The following SLC1A3 variants were observed in gnomAD, a reference collection of about 807,000 sequenced individuals.
The protein encoded by SLC1A3 is excitatory amino acid transporter 1.
Under a neutral mutation model 48.1 loss-of-function variants are expected in SLC1A3, and 21 were observed. The observed-to-expected ratio is 0.44, with a 90% CI of 0.31 to 0.63. SLC1A3 has a LOEUF of 0.63. Ranked by LOEUF, SLC1A3 falls within the 20% of genes least tolerant of loss-of-function variation. The pLI, the probability that SLC1A3 is intolerant of heterozygous loss-of-function variation, is 0.08. For synonymous variants in SLC1A3, 239 were observed against 251.4 expected, an observed-to-expected ratio of 0.95 and a Z score of 0.47; for missense variants, 546 against 689.0, an observed-to-expected ratio of 0.79 and a Z score of 2.32.
intron 3 of SLC1A3, among the ~76,000 whole-genome samples, chr5:36,647,315 C>T (rs1740877595): frequency 6.6e-6 from 1 of 152,112 alleles, no homozygotes; most frequent in Non-Finnish European, 1.5e-5. Context: ...CATAATGAAA[C>T]CTACTTAGAG....
intron 2 of SLC1A3, among the ~76,000 whole-genome samples, chr5:36,622,745 C>T (rs916897803): frequency 2.8e-4 from 42 of 152,106 alleles, no homozygotes; most frequent in Admixed American, 2.7e-3. Context: ...GGCGCATTGG[C>T]TCACGCCTGT....
At chr5:36,636,487 CTTTCTTTCTTTCTTTCTT>C (rs1223330754) in intron 3 of SLC1A3, 38 of 144,564 alleles carry the variant, frequency 2.6e-4, no homozygotes, top group African/African-American at 2.9e-4. Flanking sequence ...TTCTTTCTTT[CTTTCTTTCTTTCTTTCTT>C]TTTCTTTCTT....
At chr5:36,612,377 C>T (rs1048327049) in intron 2 of SLC1A3, among the ~76,000 whole-genome samples, 1 of 152,078 alleles carries the variant, frequency 6.6e-6, no homozygotes. Context: ...GCCAGGAGTT[C>T]AAGATCAATC....
In SLC1A3 at chr5:36,629,505, G is replaced by T; in HGVS notation, c.237G>T (p.Lys79Asn). The T allele has an allele frequency of 1.2e-6, 2 of 1,610,344 alleles. No individual in the cohort carries two copies. The highest frequency in any genetic ancestry group is 1.7e-6 in the Non-Finnish European group (2 of 1,178,846). The part of the protein sequence containing the change: ...RPYRMSYREV[K>N]YFSFPGELLM... The stretch of plus-strand genomic sequence containing the variant: ...ACAGAATGAGCTACCGGGAAGTCAA[G>T]TACTTCTCCTTTCCTGGGGAACTTC... The change falls in exon 3 of 10, where the codon AAG becomes AAT. Residue 79 changes from lysine (K) to asparagine (N), a missense_variant. Coordinates refer to ENST00000265113, the MANE Select transcript of SLC1A3 (RefSeq NM_004172.5).
intron 5 of SLC1A3, among the ~76,000 whole-genome samples, chr5:36,676,447 A>G (rs1018206583): frequency 2.6e-5 from 4 of 152,210 alleles, no homozygotes. Context: ...CAGGTGATTT[A>G]TCTATTATAC....
At chr5:36,628,911 G>A (rs1157381247) in intron 2 of SLC1A3, among the ~76,000 whole-genome samples, 1 of 152,146 alleles carries the variant, frequency 6.6e-6, no homozygotes, top group Non-Finnish European at 1.5e-5. Flanking sequence ...TGTAGACAGA[G>A]GGAGAAAATG....
chr5:36,684,496 G>A (rs3776587), intron 9 of SLC1A3, among the ~76,000 whole-genome samples: 18,408 of 152,170 alleles, frequency 0.12, 1,137 homozygotes, highest in Middle Eastern at 0.19. Flanking sequence ...ATTGAGTTTC[G>A]GATCTAGGGA....
intron 2 of SLC1A3, among the ~76,000 whole-genome samples, chr5:36,625,807 A>T (rs1003535087): frequency 6.6e-6 from 1 of 152,182 alleles, no homozygotes; most frequent in African/African-American, 2.4e-5. Context: ...ACGTCCTCCT[A>T]CTATAGAGAA....
intron 3 of SLC1A3, among the ~76,000 whole-genome samples, chr5:36,665,733 G>T (rs1741714465): frequency 6.6e-6 from 1 of 152,162 alleles, no homozygotes; most frequent in African/African-American, 2.4e-5. Context: ...GAGGCTTGGA[G>T]AAGCCACATG....
chr5:36,680,660 G>A (rs1269583512), intron 8 of SLC1A3, 71 bp downstream of exon 8: 3 of 1,329,140 alleles, frequency 2.3e-6, no homozygotes, highest in Non-Finnish European at 3.2e-6. Flanking sequence ...GCTCACGCCT[G>A]TAATCCTAAC....
upstream of SLC1A3, among the ~76,000 whole-genome samples, chr5:36,604,906 T>TGGG (rs59950179): frequency 1.3e-4 from 15 of 112,118 alleles, no homozygotes; most frequent in South Asian, 2.7e-4. Flanking sequence ...AAAAAAGCGG[T>TGGG]GGGGGGGGGG....
chr5:36,623,637 C>T (rs550958025), intron 2 of SLC1A3, among the ~76,000 whole-genome samples: 6 of 149,638 alleles, frequency 4.0e-5, no homozygotes, highest in African/African-American at 1.5e-4. Flanking sequence ...GGGTGGATCA[C>T]AAGGTCAGAA....
intron 6 of SLC1A3, 113 bp downstream of exon 6, chr5:36,677,297 A>C: frequency 2.4e-5 from 21 of 869,150 alleles, no homozygotes; most frequent in Non-Finnish European, 3.9e-5. Context: ...CAGTTATCTC[A>C]CTCTGGTAAG....
At chr5:36,648,337 A>T (rs1293121944) in intron 3 of SLC1A3, among the ~76,000 whole-genome samples, 1 of 152,174 alleles carries the variant, frequency 6.6e-6, no homozygotes, top group Non-Finnish European at 1.5e-5. Flanking sequence ...GTGTCAAGAA[A>T]CCTTTTTATT....
At chr5:36,680,999 G>C (rs1742423104) in intron 8 of SLC1A3, among the ~76,000 whole-genome samples, 1 of 152,110 alleles carries the variant, frequency 6.6e-6, no homozygotes, top group Non-Finnish European at 1.5e-5. Context: ...AAGAGGTGGG[G>C]ATTTGGGGTA....
chr5:36,664,257 C>T (rs1209061109), intron 3 of SLC1A3, among the ~76,000 whole-genome samples: 1 of 152,198 alleles, frequency 6.6e-6, no homozygotes, highest in Non-Finnish European at 1.5e-5. Flanking sequence ...CCTCAGCCTC[C>T]CAACTAGCTG....
chr5:36,676,805 AAT>A, intron 5 of SLC1A3, 85 bp from the exon 6 acceptor site: 4 of 1,005,158 alleles, frequency 4.0e-6, no homozygotes, highest in Non-Finnish European at 5.9e-6. Context: ...GAGTAACAGT[AAT>A]CATTTTAGAA....
chr5:36,680,023 A>G lies in SLC1A3; in HGVS notation c.1094+163A>G, dbSNP rs2303716. Among the ~76,000 whole-genome samples, 55,379 of 152,100 alleles carry G rather than the reference A, an allele frequency of 0.36. 11,065 individuals carry two copies. The highest frequency in any genetic ancestry group is 0.54 in the African/African-American group (22,480 of 41,478). On this transcript the variant is annotated intron_variant, in intron 7 of 9. Coordinates refer to ENST00000265113, the MANE Select transcript of SLC1A3 (RefSeq NM_004172.5). Reference sequence around the variant, plus strand: ...CAATCACACCTGTTTGGGATTCAGGAAATGCCTGGCTACATATCTTTTGTG... The same window carrying G: ...CAATCACACCTGTTTGGGATTCAGGGAATGCCTGGCTACATATCTTTTGTG...
chr5:36,598,138 C>T (rs1258231209), intron 1 of SLC1A3, among the ~76,000 whole-genome samples: 2 of 152,192 alleles, frequency 1.3e-5, no homozygotes, highest in Non-Finnish European at 2.9e-5. Flanking sequence ...CTTAAGTTCC[C>T]AGGCTTTAAG....
Sources: allele counts gnomAD v4.1 joint callset (sites outside exome capture counted in the v4.1 genomes callset), GRCh38; gene constraint gnomAD v4.1.1; transcripts MANE v1.5; gene names NCBI Gene and HGNC (gene_info 2026-07-23, HGNC 2026-07-21).